Variants in TET2 observed in about 807,000 individuals in gnomAD.
The protein encoded by TET2 is tet methylcytosine dioxygenase 2, also known as methylcytosine dioxygenase TET2.
In TET2, 299 loss-of-function variants were observed where a neutral mutation model predicts 142.9. That is an observed-to-expected ratio of 2.09 (90% CI 1.90 to 2.30). TET2 has a LOEUF of 2.30. Among genes scored for constraint, TET2 ranks in the 30% most tolerant of loss-of-function variants. The probability of loss-of-function intolerance (pLI) is 0.00; values close to 1 mark genes in which losing one functional copy is unlikely to be tolerated. For missense variants in TET2, 2,418 were observed against 2,378.0 expected (o/e 1.02, Z -0.35); for synonymous variants, 819 against 849.0 (o/e 0.96, Z 0.61).
intron 2 of TET2, among the ~76,000 whole-genome samples, chr4:105,220,170 C>T (rs566716191): frequency 5.3e-5 from 8 of 152,208 alleles, no homozygotes; most frequent in African/African-American, 1.9e-4. Context: ...TATGAGCCCT[C>T]CTAGAAATTA....
chr4:105,266,819 T>G (rs1175573581), intron 8 of TET2, among the ~76,000 whole-genome samples: 1 of 151,734 alleles, frequency 6.6e-6, no homozygotes, highest in Non-Finnish European at 1.5e-5. Context: ...GACAGAAAAA[T>G]ATTTAAAGAA....
intron 2 of TET2, among the ~76,000 whole-genome samples, chr4:105,215,854 G>GAGGTAGAATTT (rs1727460848): frequency 6.6e-6 from 1 of 152,150 alleles, no homozygotes; most frequent in Non-Finnish European, 1.5e-5. Flanking sequence ...TTTTTTAGCA[G>GAGGTAGAATTT]AGCAGTGTAG....
rs924321610 is a variant in TET2 at position 105,235,131 on chromosome 4, ACACCAC to A, written c.1198_1203del (p.Pro400_Pro401del). ...TAAGGATTCCTTTTCTGCCACTACC[ACACCAC>A]CACCACCATCACAATTGCTTCTTTC... On this transcript the variant is annotated inframe_deletion, in exon 3 of 11. Coordinates refer to ENST00000380013, the MANE Select transcript of TET2 (RefSeq NM_001127208.3). 1.9e-6 allele frequency: 3 copies of A among 1,613,558 alleles called. No individual in the cohort carries two copies. The highest frequency in any genetic ancestry group is 1.7e-6 in the Non-Finnish European group (2 of 1,179,832).
chr4:105,152,259 C>G (rs961321762), intron 1 of TET2, among the ~76,000 whole-genome samples: 1 of 151,622 alleles, frequency 6.6e-6, no homozygotes, highest in Non-Finnish European at 1.5e-5. Flanking sequence ...CCAGCCTGGG[C>G]GAGGCAGAGA....
intron 6 of TET2, among the ~76,000 whole-genome samples, chr4:105,254,279 C>G (rs971529639): frequency 1.6e-4 from 25 of 152,146 alleles, no homozygotes; most frequent in Admixed American, 1.4e-3. Context: ...ATTGCTGATT[C>G]AATTTCTTTC....
At chr4:105,167,364 A>G (rs1455781902) in intron 1 of TET2, among the ~76,000 whole-genome samples, 1 of 152,020 alleles carries the variant, frequency 6.6e-6, no homozygotes, top group African/African-American at 2.4e-5. Context: ...AAAAGTGCGT[A>G]TATGTGTACA....
At chr4:105,168,533 A>G (rs1724280338) in intron 1 of TET2, among the ~76,000 whole-genome samples, 1 of 152,116 alleles carries the variant, frequency 6.6e-6, no homozygotes, top group South Asian at 2.1e-4. Context: ...CATTCTATCT[A>G]ACAGAACTCT....
chr4:105,257,930 A>C (rs928094180), intron 6 of TET2, among the ~76,000 whole-genome samples: 1 of 152,220 alleles, frequency 6.6e-6, no homozygotes, highest in African/African-American at 2.4e-5. Context: ...GGAAACTACC[A>C]AACAGGTCAA....
In TET2 at chr4:105,272,789, G is replaced by C. The variant is rs2110306924; in HGVS notation, c.4408G>C (p.Glu1470Gln). The C allele has an allele frequency of 6.4e-7, 1 of 1,551,658 alleles. No homozygotes were observed. Among genetic ancestry groups the C allele is most frequent in the Non-Finnish European group, 8.7e-7 (1 of 1,146,972 alleles). The change falls in exon 10 of 11, where the codon GAA (glutamate) becomes CAA (glutamine). Residue 1470 changes from glutamate (E) to glutamine (Q), a missense_variant. By Grantham distance (29) the Glu-to-Gln change is conservative. Transcript: ENST00000380013. ...PVKTCRQRKL[E>Q]AKKAAAEKLS... The stretch of plus-strand genomic sequence containing the variant: ...CAAGACTTGCCGACAAAGGAAACTA[G>C]AAGCCAAGAAAGCTGCAGCTGAAAA...
intron 7 of TET2, 121 bp from the exon 8 acceptor site, chr4:105,261,638 A>G: frequency 1.9e-6 from 1 of 524,366 alleles, no homozygotes; most frequent in Non-Finnish European, 3.4e-6. Flanking sequence ...ATTTAGTAAT[A>G]AAGGCACCAT....
intron 2 of TET2, among the ~76,000 whole-genome samples, chr4:105,221,375 A>G (rs1282694593): frequency 6.6e-6 from 1 of 152,146 alleles, no homozygotes; most frequent in East Asian, 1.9e-4. Flanking sequence ...TTAAATGCAG[A>G]TCTCTATCTC....
chr4:105,198,374 C>T (rs1394262834), intron 2 of TET2, among the ~76,000 whole-genome samples: 4 of 152,010 alleles, frequency 2.6e-5, no homozygotes, highest in Admixed American at 1.3e-4. Context: ...TAAATAAATG[C>T]TTTTTGATTT....
In TET2 at chr4:105,235,182, C is replaced by T. The variant is rs2110225882; in HGVS notation, c.1240C>T (p.Gln414Ter). ...TCTTTCTCCCCCTCCTCCTCTTCCA[C>T]AGGTTCCTCAGCTTCCTTCAGAAGG... ...LLLSPPPPLP[Q>*]VPQLPSEGKS... Residue 414 changes from glutamine (Q) to a stop codon, truncating the protein, a stop_gained, in exon 3 of 11, where the codon CAG becomes TAG. Coordinates refer to ENST00000380013, the MANE Select transcript of TET2 (RefSeq NM_001127208.3). LOFTEE classifies it high-confidence loss of function. 1 of 1,614,062 alleles carries T rather than the reference C, an allele frequency of 6.2e-7. No homozygotes were observed. The highest frequency in any genetic ancestry group is 8.5e-7 in the Non-Finnish European group (1 of 1,179,974).
intron 2 of TET2, among the ~76,000 whole-genome samples, chr4:105,205,183 AGAAAG>A (rs1167692739): frequency 1.3e-5 from 2 of 152,190 alleles, no homozygotes; most frequent in African/African-American, 4.8e-5. Context: ...ATTTAGGAAA[AGAAAG>A]GAATAAAAAT....
In TET2 at chr4:105,279,028, C is replaced by A. The variant is rs1731342881; in HGVS notation, c.*2509C>A. On this transcript the variant is annotated 3_prime_UTR_variant, in exon 11 of 11. Transcript: ENST00000380013. ...GGCCTTTGGGTTTTATTGGTCAAAT[C>A]TTTGTAAGCTGGCTTTTGTCTTTTT... 4.3e-6 allele frequency: 1 copy of A among 232,700 alleles called. No homozygotes were observed. The highest frequency in any genetic ancestry group is 5.6e-5 in the Admixed American group (1 of 17,764). The allele number at this position is 232,700 out of a possible 1,614,324, so 14.4% of individuals were successfully genotyped here.
At chr4:105,161,860 TGCATACCAAGGA>T (rs2110380809) in intron 1 of TET2, among the ~76,000 whole-genome samples, 1 of 152,344 alleles carries the variant, frequency 6.6e-6, no homozygotes, top group East Asian at 1.9e-4. Flanking sequence ...TTGAATCTGA[TGCATACCAAGGA>T]GCAATGTGGA....
Position 105,236,019 on chromosome 4 carries a change from A to C in TET2, c.2077A>C (p.Lys693Gln), listed in dbSNP as rs1308784638. The change falls in exon 3 of 11, where the codon AAA becomes CAA. Residue 693 changes from lysine (K) to glutamine (Q), a missense_variant. Coordinates refer to ENST00000380013, the MANE Select transcript of TET2 (RefSeq NM_001127208.3). ...FQQRADSQTE[K>Q]LMSPVLKQHL... ...ACAAAGAGCAGATTCCCAAACTGAA[A>C]AACTTATGTCCCCAGTGTTGAAACA... 6.2e-7 allele frequency: 1 copy of C among 1,614,192 alleles called. No individual in the cohort carries two copies. The highest frequency in any genetic ancestry group is 1.1e-5 in the South Asian group (1 of 91,084).
intron 1 of TET2, among the ~76,000 whole-genome samples, chr4:105,181,748 A>T (rs1725134613): frequency 6.6e-6 from 1 of 152,210 alleles, no homozygotes; most frequent in African/African-American, 2.4e-5. Context: ...GTGAAAATCC[A>T]GTTTAATGTG....
At chr4:105,237,944 T>C (rs1230079707) in intron 3 of TET2, 2 of 1,003,942 alleles carry the variant, frequency 2.0e-6, no homozygotes, top group African/African-American at 3.4e-5. Flanking sequence ...CCCTTTTCTC[T>C]AAAATTTCAT....
Sources: allele counts gnomAD v4.1 joint callset (sites outside exome capture counted in the v4.1 genomes callset), GRCh38; gene constraint gnomAD v4.1.1; transcripts MANE v1.5; gene names NCBI Gene and HGNC (gene_info 2026-07-23, HGNC 2026-07-21).